Variants in CA10 observed in about 807,000 individuals in gnomAD.
CA10 encodes carbonic anhydrase-related protein 10.
A neutral mutation model predicts 44.2 loss-of-function variants in CA10; 14 were observed. That is an observed-to-expected ratio of 0.32 (90% CI 0.21 to 0.50). The LOEUF is 0.50. Ranked by LOEUF, CA10 falls within the 20% of genes least tolerant of loss-of-function variation. The probability of loss-of-function intolerance (pLI) is 0.99; values close to 1 mark genes in which losing one functional copy is unlikely to be tolerated. For synonymous variants in CA10, 159 were observed against 141.6 expected (o/e 1.12, Z -0.87); for missense variants, 350 against 409.7 (o/e 0.85, Z 1.26).
chr17:51,791,299 A>G (rs982294541), intron 3 of CA10, among the ~76,000 whole-genome samples: 1 of 152,202 alleles, frequency 6.6e-6, no homozygotes, highest in Non-Finnish European at 1.5e-5. Flanking sequence ...TTAAATTTCT[A>G]TTCAAAACCA....
At chr17:51,829,973 C>T (rs1477441263) in intron 3 of CA10, among the ~76,000 whole-genome samples, 1 of 152,012 alleles carries the variant, frequency 6.6e-6, no homozygotes, top group East Asian at 1.9e-4. Context: ...CTGAGGTAGG[C>T]AGATCACGAG....
At chr17:51,830,085 T>G (rs1450686434) in intron 3 of CA10, among the ~76,000 whole-genome samples, 1 of 150,098 alleles carries the variant, frequency 6.7e-6, no homozygotes. Flanking sequence ...TCATCCCAGC[T>G]ACTTGGGAGG....
At chr17:52,071,511 T>C (rs568090043) in intron 2 of CA10, among the ~76,000 whole-genome samples, 1 of 152,256 alleles carries the variant, frequency 6.6e-6, no homozygotes. Flanking sequence ...GCTCTTTCTA[T>C]TTGCCACCAA....
intron 2 of CA10, among the ~76,000 whole-genome samples, chr17:52,007,006 G>T (rs1985623599): frequency 6.6e-6 from 1 of 151,424 alleles, no homozygotes; most frequent in Non-Finnish European, 1.5e-5. Context: ...ATAGTTAGAG[G>T]TTCCTTGTAG....
At chr17:51,649,622 G>A (rs1223621693) in intron 5 of CA10, among the ~76,000 whole-genome samples, 4 of 152,182 alleles carry the variant, frequency 2.6e-5, no homozygotes, top group Non-Finnish European at 5.9e-5. Flanking sequence ...GAAAGGCAAG[G>A]AAAAGCATTT....
chr17:51,940,646 A>T (rs1015955998), intron 2 of CA10, among the ~76,000 whole-genome samples: 1 of 151,448 alleles, frequency 6.6e-6, no homozygotes, highest in South Asian at 2.1e-4. Flanking sequence ...AATCTGAGAC[A>T]TAGAGACGTC....
chr17:51,669,376 G>GCACCAATCAGCACTCTGTCAAAACGGAC (rs1349725580), intron 4 of CA10, among the ~76,000 whole-genome samples: 3 of 152,152 alleles, frequency 2.0e-5, no homozygotes, highest in African/African-American at 4.8e-5. Flanking sequence ...GATTGTAAAT[G>GCACCAATCAGCACTCTGTCAAAACGGAC]CACCAATCAG....
At chr17:51,891,888 C>T (rs1173290870) in intron 3 of CA10, among the ~76,000 whole-genome samples, 1 of 152,182 alleles carries the variant, frequency 6.6e-6, no homozygotes, top group Non-Finnish European at 1.5e-5. Context: ...CCAAGACTGT[C>T]ACCTACATCT....
intron 3 of CA10, among the ~76,000 whole-genome samples, chr17:51,895,163 A>G (rs1981016440): frequency 1.3e-5 from 2 of 152,100 alleles, no homozygotes; most frequent in Non-Finnish European, 2.9e-5. Context: ...GGATATGGAA[A>G]AAGAGGATCC....
chr17:52,021,925 C>T (rs554041316), intron 2 of CA10, among the ~76,000 whole-genome samples: 64 of 152,058 alleles, frequency 4.2e-4, no homozygotes, highest in African/African-American at 1.4e-3. Flanking sequence ...AGACTACCAA[C>T]CAAAAAAGGC....
intron 3 of CA10, among the ~76,000 whole-genome samples, chr17:51,791,713 A>G (rs1367469748): frequency 6.6e-6 from 1 of 152,160 alleles, no homozygotes; most frequent in African/African-American, 2.4e-5. Context: ...TGAATTTCTC[A>G]TGGTACTGTG....
chr17:51,792,313 A>G (rs966343716), intron 3 of CA10, among the ~76,000 whole-genome samples: 1 of 152,234 alleles, frequency 6.6e-6, no homozygotes, highest in Admixed American at 6.5e-5. Context: ...AATGTTTTGC[A>G]CAAGACAGAG....
chr17:51,979,389 AT>A (rs1984574628), intron 2 of CA10, among the ~76,000 whole-genome samples: 1 of 151,994 alleles, frequency 6.6e-6, no homozygotes, highest in African/African-American at 2.4e-5. Flanking sequence ...ATATAGGTAA[AT>A]TTGTGTCATT....
Position 51,874,814 on chromosome 17 carries a change from A to G in CA10, c.279+56176T>C, listed in dbSNP as rs573638004. Among the ~76,000 whole-genome samples the G allele has an allele frequency of 3.9e-5, 6 of 152,322 alleles. No individual in the cohort carries two copies. In the Middle Eastern group the frequency reaches 0.014, roughly 345 times the overall value. On this transcript the variant is annotated intron_variant, in intron 3 of 8. Coordinates refer to ENST00000451037, the MANE Select transcript of CA10 (RefSeq NM_020178.5). The stretch of plus-strand genomic sequence containing the variant: ...CAGCATCTATTTCTATTACTCATAT[A>G]GAGTGTCTGTTTTACCCAAGGCTAT...
intron 3 of CA10, among the ~76,000 whole-genome samples, chr17:51,845,287 C>T (rs1384874756): frequency 2.0e-5 from 3 of 152,220 alleles, no homozygotes; most frequent in Non-Finnish European, 2.9e-5. Context: ...AAAGGCACTG[C>T]GGCTTTCTCT....
intron 2 of CA10, among the ~76,000 whole-genome samples, chr17:51,946,975 C>T (rs1363363694): frequency 2.0e-5 from 3 of 151,948 alleles, no homozygotes; most frequent in African/African-American, 7.2e-5. Context: ...CATATATTCG[C>T]ACATTTCTGT....
intron 4 of CA10, among the ~76,000 whole-genome samples, chr17:51,677,719 G>A (rs1379901215): frequency 6.6e-6 from 1 of 152,030 alleles, no homozygotes; most frequent in African/African-American, 2.4e-5. Context: ...AACTACTGTG[G>A]CCCTCTGTCT....
intron 2 of CA10, among the ~76,000 whole-genome samples, chr17:52,024,438 G>A (rs1179596548): frequency 6.6e-6 from 1 of 151,886 alleles, no homozygotes; most frequent in African/African-American, 2.4e-5. Context: ...AGAGTACTAG[G>A]GCAATGTGAC....
At chr17:51,884,322 C>T (rs948778043) in intron 3 of CA10, among the ~76,000 whole-genome samples, 1 of 152,152 alleles carries the variant, frequency 6.6e-6, no homozygotes, top group African/African-American at 2.4e-5. Context: ...CCTCATTGTA[C>T]TCAAATTGAA....
Sources: allele counts gnomAD v4.1 joint callset (sites outside exome capture counted in the v4.1 genomes callset), GRCh38; gene constraint gnomAD v4.1.1; transcripts MANE v1.5; gene names NCBI Gene and HGNC (gene_info 2026-07-23, HGNC 2026-07-21).